Variants in CAST observed in about 807,000 individuals in gnomAD.
The protein encoded by CAST is MIR583 host.
Under a neutral mutation model 119.6 loss-of-function variants are expected in CAST, and 76 were observed. The observed-to-expected ratio is 0.64, with a 90% CI of 0.53 to 0.77. The LOEUF (loss-of-function observed/expected upper bound fraction) is 0.77, where lower values mean the gene tolerates loss of function less well. CAST is among the 30% of genes least tolerant of loss of function. The pLI is 0.00. For synonymous variants in CAST, 319 were observed against 331.6 expected (o/e 0.96, Z 0.41); for missense variants, 953 against 946.5 (o/e 1.01, Z -0.09).
the CAST span, among the ~76,000 whole-genome samples, chr5:96,266,398 A>C: frequency 6.6e-6 from 1 of 152,188 alleles, no homozygotes; most frequent in South Asian, 2.1e-4. Flanking sequence ...AACTGAATAA[A>C]GAAATATCCC....
chr5:96,308,557 C>G, the CAST span, among the ~76,000 whole-genome samples: 1 of 152,024 alleles, frequency 6.6e-6, no homozygotes, highest in Non-Finnish European at 1.5e-5. Context: ...GAATTTTCAG[C>G]CTTTTTGCGC....
At chr5:96,642,364 A>G (rs567337232) in intron 1 of CAST, among the ~76,000 whole-genome samples, 2 of 152,292 alleles carry the variant, frequency 1.3e-5, no homozygotes, top group African/African-American at 4.8e-5. Context: ...TCCAGGCTAA[A>G]CTTTCTTCTT....
At chr5:96,668,809 TA>T (rs34079986) in intron 1 of CAST, among the ~76,000 whole-genome samples, 50,057 of 143,978 alleles carry the variant, frequency 0.35, 10,751 homozygotes, top group African/African-American at 0.62. Context: ...GTTACCCAGG[TA>T]AAAAAAAAAA....
the CAST span, among the ~76,000 whole-genome samples, chr5:96,019,656 C>A: frequency 6.6e-6 from 1 of 152,146 alleles, no homozygotes; most frequent in African/African-American, 2.4e-5. Context: ...AATTCCTGAC[C>A]TCTCCCAAAG....
At chr5:96,739,273 A>G (rs1031018910) in intron 11 of CAST, among the ~76,000 whole-genome samples, 7 of 152,210 alleles carry the variant, frequency 4.6e-5, no homozygotes, top group African/African-American at 1.7e-4. Flanking sequence ...AGAGATTGCC[A>G]GGAGGGAGCC....
chr5:96,618,937 G>A (rs1747531375), intron 1 of CAST, among the ~76,000 whole-genome samples: 1 of 152,240 alleles, frequency 6.6e-6, no homozygotes, highest in Non-Finnish European at 1.5e-5. Context: ...AGTCGAGTGG[G>A]GACTTGGAGA....
At chr5:96,434,993 AT>A in the CAST span, among the ~76,000 whole-genome samples, 1 of 152,314 alleles carries the variant, frequency 6.6e-6, no homozygotes, top group South Asian at 2.1e-4. Context: ...TGTTCTGTAA[AT>A]CCACATGTGT....
intron 1 of CAST, among the ~76,000 whole-genome samples, chr5:96,590,131 C>G (rs566385404): frequency 1.5e-4 from 23 of 152,284 alleles, no homozygotes; most frequent in Non-Finnish European, 2.6e-4. Context: ...TTTTTCAGAG[C>G]AAGTTGTATT....
At chr5:96,423,289 A>T in the CAST span, 3 of 1,594,368 alleles carry the variant, frequency 1.9e-6, no homozygotes, top group Non-Finnish European at 2.6e-6. Flanking sequence ...CCTAAGTCAC[A>T]GTCATGAGAA....
Position 96,629,258 on chromosome 5 carries a change from C to T in CAST, c.61-46281C>T, listed in dbSNP as rs376488077. On this transcript the variant is annotated intron_variant, in intron 1 of 11. Transcript: ENST00000505143. ...TTCGCTTCTACCTTCCACCTTTTAGCCATGAGATGGCTCACCAGATGCTAG... is the reference window on the plus strand; with the variant it reads ...TTCGCTTCTACCTTCCACCTTTTAGTCATGAGATGGCTCACCAGATGCTAG... Among the ~76,000 whole-genome samples, 125 of 152,308 alleles carry T rather than the reference C, an allele frequency of 8.2e-4. 1 individual carries two copies. The South Asian group carries it at 0.024, about 29-fold the overall frequency.
intron 2 of CAST, among the ~76,000 whole-genome samples, chr5:96,691,742 A>C (rs1752748808): frequency 6.6e-6 from 1 of 152,260 alleles, no homozygotes; most frequent in African/African-American, 2.4e-5. Flanking sequence ...AAACTTGCCT[A>C]AGATCTCATA....
At chr5:96,697,060 G>A (rs1347664678) in intron 3 of CAST, among the ~76,000 whole-genome samples, 1 of 150,918 alleles carries the variant, frequency 6.6e-6, no homozygotes, top group Non-Finnish European at 1.5e-5. Flanking sequence ...CCCAGCTACT[G>A]GGGAGGCTGA....
chr5:95,986,891 C>A, the CAST span, among the ~76,000 whole-genome samples: 1 of 152,086 alleles, frequency 6.6e-6, no homozygotes, highest in Non-Finnish European at 1.5e-5. Flanking sequence ...TGTAAGTAAC[C>A]TTGGCAGAGT....
intron 3 of CAST, among the ~76,000 whole-genome samples, chr5:96,702,158 G>C (rs1753984253): frequency 1.3e-5 from 2 of 152,088 alleles, no homozygotes; most frequent in Non-Finnish European, 2.9e-5. Flanking sequence ...CTTTAATGTG[G>C]TTGGTGTACG....
chr5:95,964,020 A>G, the CAST span, among the ~76,000 whole-genome samples: 6,441 of 152,232 alleles, frequency 0.042, 228 homozygotes, highest in African/African-American at 0.087. Context: ...TTTAAAAATT[A>G]TAATAGGAAA....
At chr5:96,448,939 T>C in the CAST span, among the ~76,000 whole-genome samples, 1 of 152,204 alleles carries the variant, frequency 6.6e-6, no homozygotes, top group African/African-American at 2.4e-5. Flanking sequence ...ATTTAGTTTA[T>C]ACACCTAGTT....
At chr5:96,492,777 TGAGAA>T in the CAST span, among the ~76,000 whole-genome samples, 1 of 152,132 alleles carries the variant, frequency 6.6e-6, no homozygotes, top group South Asian at 2.1e-4. Context: ...AAATATGAGC[TGAGAA>T]GAGGAGACAT....
the CAST span, among the ~76,000 whole-genome samples, chr5:96,388,886 T>C: frequency 1.4e-3 from 216 of 152,150 alleles, no homozygotes; most frequent in African/African-American, 4.8e-3. Flanking sequence ...TATATATATA[T>C]ACATATATAT....
chr5:96,685,821 C>T (rs1752015650), intron 2 of CAST, among the ~76,000 whole-genome samples: 1 of 152,220 alleles, frequency 6.6e-6, no homozygotes, highest in African/African-American at 2.4e-5. Flanking sequence ...AGTATTTTTG[C>T]CAATCACTCC....
Sources: gnomAD v4.1 joint callset for allele counts (sites outside exome capture counted in the v4.1 genomes callset) on GRCh38, gnomAD v4.1.1 for gene constraint, MANE v1.5 for transcripts, NCBI Gene and HGNC (gene_info 2026-07-23, HGNC 2026-07-21) for gene names.